Variants in CMTM8 observed in about 807,000 individuals in gnomAD.
The protein encoded by CMTM8 is CKLF like MARVEL transmembrane domain containing 8, also known as CKLF-like MARVEL transmembrane domain-containing protein 8.
CMTM8 carries 12 observed loss-of-function variants against 18.6 expected under a neutral mutation model. The ratio of observed to expected loss-of-function variants is 0.65; its 90% CI spans 0.41 to 1.05. CMTM8 has a LOEUF of 1.05. Ranked by LOEUF, CMTM8 falls within the 50% of genes least tolerant of loss-of-function variation. The probability of loss-of-function intolerance (pLI) is 0.00; values close to 1 mark genes in which losing one functional copy is unlikely to be tolerated. For missense variants in CMTM8, 217 were observed against 227.2 expected (o/e 0.95, Z 0.29); for synonymous variants, 87 against 90.6 (o/e 0.96, Z 0.23).
chr3:32,355,884 C>T (rs759273805), intron 1 of CMTM8, among the ~76,000 whole-genome samples: 3 of 152,330 alleles, frequency 2.0e-5, no homozygotes, highest in Middle Eastern at 3.4e-3. Context: ...GCTTCTGTCT[C>T]GCTAGTGCTT....
intron 1 of CMTM8, among the ~76,000 whole-genome samples, chr3:32,321,364 T>TGCGACGGGGGCTTGGCAC (rs1696048092): frequency 2.6e-5 from 4 of 152,026 alleles, no homozygotes; most frequent in Admixed American, 2.6e-4. Context: ...GGGGCTTGGG[T>TGCGACGGGGGCTTGGCAC]GTGCATGTGG....
intron 1 of CMTM8, among the ~76,000 whole-genome samples, chr3:32,319,074 A>ATATTTTTTT: frequency 3.8e-4 from 12 of 31,526 alleles, no homozygotes; most frequent in East Asian, 1.6e-3. Flanking sequence ...ATATATATAT[A>ATATTTTTTT]TTTTTTTTTT....
chr3:32,296,524 G>T (rs1702882427), intron 1 of CMTM8, among the ~76,000 whole-genome samples: 1 of 152,184 alleles, frequency 6.6e-6, no homozygotes, highest in Non-Finnish European at 1.5e-5. Flanking sequence ...TAGGAATCTT[G>T]TTTCCCTTTG....
At chr3:32,259,986 C>A in intron 1 of CMTM8, 1 of 1,111,016 alleles carries the variant, frequency 9.0e-7, no homozygotes, top group Non-Finnish European at 1.3e-6. Flanking sequence ...TCAGAGCTGG[C>A]ACTGACCCAG....
rs58364646 is a variant in CMTM8 at position 32,361,286 on chromosome 3, G to GTTTTTTTTTTGTTTTTTTTGTT, written c.321+3749_321+3750insTGTTTTTTTTGTTTTTTTTTTT. ...GTGAGCCACGGCGCCCAGCCTAAGA[G>GTTTTTTTTTTGTTTTTTTTGTT]TTTTTTTTTCTTTCAAATTTTGGAA... is the stretch of plus-strand genomic sequence containing the variant. On this transcript the variant is annotated intron_variant, in intron 2 of 3. Transcript: ENST00000307526. 3.8e-3 allele frequency among the ~76,000 whole-genome samples: 332 copies of GTTTTTTTTTTGTTTTTTTTGTT among 87,238 alleles called. 4 individuals carry two copies. Among genetic ancestry groups the GTTTTTTTTTTGTTTTTTTTGTT allele is most frequent in the African/African-American group, 0.011 (278 of 24,952 alleles). 57.2% of individuals were successfully genotyped at this position (87,238 alleles called of 152,430 possible).
intron 1 of CMTM8, chr3:32,259,446 C>G: frequency 1.3e-6 from 1 of 795,146 alleles, no homozygotes; most frequent in Non-Finnish European, 2.3e-6. Context: ...AAGTATGAGA[C>G]AGAACTGGCC....
chr3:32,275,670 G>C (rs62243300), intron 1 of CMTM8, among the ~76,000 whole-genome samples: 4 of 142,156 alleles, frequency 2.8e-5, no homozygotes, highest in Non-Finnish European at 6.1e-5. Flanking sequence ...TTTTTTTGGG[G>C]ACAGAGTCTT....
intron 1 of CMTM8, among the ~76,000 whole-genome samples, chr3:32,341,120 C>T (rs1696482564): frequency 6.6e-6 from 1 of 152,164 alleles, no homozygotes; most frequent in Non-Finnish European, 1.5e-5. Flanking sequence ...TGTGAAAGAC[C>T]AGCACTTCAA....
chr3:32,349,506 G>A (rs79683635), intron 1 of CMTM8, among the ~76,000 whole-genome samples: 12,342 of 152,082 alleles, frequency 0.081, 604 homozygotes, highest in East Asian at 0.18. Context: ...TCCAGAGACT[G>A]TTTCGTTTTA....
intron 1 of CMTM8, among the ~76,000 whole-genome samples, chr3:32,290,542 G>T (rs1575162069): frequency 6.6e-6 from 1 of 152,208 alleles, no homozygotes; most frequent in Non-Finnish European, 1.5e-5. Context: ...GGCCAGCTTT[G>T]GAGGACTTTG....
At chr3:32,300,216 C>T (rs973520704) in intron 1 of CMTM8, among the ~76,000 whole-genome samples, 5 of 152,150 alleles carry the variant, frequency 3.3e-5, no homozygotes, top group African/African-American at 4.8e-5. Flanking sequence ...ATAGGCTGAG[C>T]GGGGGAACCC....
rs540590193 is a variant in CMTM8 at position 32,272,372 on chromosome 3, T to G, written c.147+33253T>G. On this transcript the variant is annotated intron_variant, in intron 1 of 3. Transcript: ENST00000307526. ...TCTTTCAACAAATAATGGAAAATTA[T>G]CAGCCATTATCTCATAAAACATTGG... Among the ~76,000 whole-genome samples the G allele has an allele frequency of 4.6e-5, 7 of 152,316 alleles. No individual in the cohort carries two copies. In the South Asian group the frequency reaches 1.0e-3, roughly 23 times the overall value.
chr3:32,293,380 A>G (rs1324702339), intron 1 of CMTM8, among the ~76,000 whole-genome samples: 3 of 152,096 alleles, frequency 2.0e-5, no homozygotes, highest in Admixed American at 6.5e-5. Context: ...GCGAAACCCC[A>G]TCTCTACTAA....
At chr3:32,286,986 C>T (rs990581041) in intron 1 of CMTM8, among the ~76,000 whole-genome samples, 4 of 152,224 alleles carry the variant, frequency 2.6e-5, no homozygotes, top group African/African-American at 9.7e-5. Flanking sequence ...GGGCAGATCT[C>T]TCAAGGCCCT....
intron 2 of CMTM8, 116 bp downstream of exon 2, chr3:32,357,662 G>A: frequency 9.8e-7 from 1 of 1,025,034 alleles, no homozygotes; most frequent in Non-Finnish European, 1.4e-6. Flanking sequence ...CCATACCATG[G>A]AGAACTCAAC....
intron 2 of CMTM8, among the ~76,000 whole-genome samples, chr3:32,366,296 A>G (rs1299458504): frequency 6.6e-6 from 1 of 152,192 alleles, no homozygotes; most frequent in Non-Finnish European, 1.5e-5. Flanking sequence ...TTTAGAGTTC[A>G]GAAAAAATGG....
At chr3:32,352,859 T>TG (rs1347724338) in intron 1 of CMTM8, among the ~76,000 whole-genome samples, 1 of 109,076 alleles carries the variant, frequency 9.2e-6, no homozygotes, top group African/African-American at 3.0e-5. Context: ...GCAGTGAAAG[T>TG]TAAAACATAG....
chr3:32,270,632 ACAC>A (rs1315963674), intron 1 of CMTM8, among the ~76,000 whole-genome samples: 2 of 152,208 alleles, frequency 1.3e-5, no homozygotes, highest in East Asian at 3.9e-4. Flanking sequence ...AAAAAACCAA[ACAC>A]CACATGTTCT....
chr3:32,270,532 A>G (rs866781664), intron 1 of CMTM8, among the ~76,000 whole-genome samples: 1 of 152,236 alleles, frequency 6.6e-6, no homozygotes. Flanking sequence ...GTGGAATACT[A>G]TGCAGCCATA....
Sources: gnomAD v4.1 joint callset for allele counts (sites outside exome capture counted in the v4.1 genomes callset) on GRCh38, gnomAD v4.1.1 for gene constraint, MANE v1.5 for transcripts, NCBI Gene and HGNC (gene_info 2026-07-23, HGNC 2026-07-21) for gene names.